Variants in TEX264 observed in about 807,000 individuals in gnomAD.
TEX264 encodes the protein testis expressed 264, ER-phagy receptor, also known as testis-expressed protein 264.
TEX264 carries 13 observed loss-of-function variants against 23.4 expected under a neutral mutation model. The observed-to-expected ratio is 0.56, with a 90% CI of 0.36 to 0.88. The LOEUF (loss-of-function observed/expected upper bound fraction) is 0.88, where lower values mean the gene tolerates loss of function less well. Ranked by LOEUF, TEX264 falls within the 40% of genes least tolerant of loss-of-function variation. The pLI, the probability that TEX264 is intolerant of heterozygous loss-of-function variation, is 0.01. For synonymous variants in TEX264, 159 were observed against 170.0 expected, an observed-to-expected ratio of 0.94 and a Z score of 0.50; for missense variants, 340 against 406.8, an observed-to-expected ratio of 0.84 and a Z score of 1.41.
At chr3:51,690,041 C>T (rs991188314) in intron 3 of TEX264, among the ~76,000 whole-genome samples, 2 of 152,160 alleles carry the variant, frequency 1.3e-5, no homozygotes, top group Non-Finnish European at 2.9e-5. Flanking sequence ...GGAAATGGGT[C>T]AGCCTGTTGA....
intron 4 of TEX264, among the ~76,000 whole-genome samples, chr3:51,702,124 T>C (rs1336532323): frequency 2.6e-5 from 4 of 152,012 alleles, no homozygotes; most frequent in South Asian, 2.1e-4. Context: ...AAGAGAGCCA[T>C]TGGGTGGGTG....
At position 51,703,119 on chromosome 3, in the gene TEX264, C is replaced by T. The variant is rs1559686090; in HGVS notation, c.650-605C>T. ...GTATTTCTCAGGCCTTCTCCATCCT[C>T]CTCGTACTTCAGCTCCCTCCTCAAC... On this transcript the variant is annotated intron_variant, in intron 4 of 4. Coordinates refer to ENST00000341333, the MANE Select transcript of TEX264 (RefSeq NM_015926.6). This position sits in a 1 kb window ranked among gnomAD's most constrained non-coding sequence, Gnocchi z 4.8. Among the ~76,000 whole-genome samples, 1 of 152,220 alleles carries T rather than the reference C, an allele frequency of 6.6e-6. No individual in the cohort carries two copies. Among genetic ancestry groups the T allele is most frequent in the Non-Finnish European group, 1.5e-5 (1 of 68,030 alleles).
At chr3:51,673,562 G>A (rs756084116) in intron 1 of TEX264, among the ~76,000 whole-genome samples, 9 of 152,190 alleles carry the variant, frequency 5.9e-5, no homozygotes, top group Non-Finnish European at 1.0e-4. Flanking sequence ...TGTTAACATT[G>A]GTGGTTCAAG....
chr3:51,690,489 G>A (rs1366233728), intron 3 of TEX264, among the ~76,000 whole-genome samples: 6 of 149,234 alleles, frequency 4.0e-5, no homozygotes, highest in Non-Finnish European at 8.9e-5. Flanking sequence ...CTGAGATCAC[G>A]ACACTGCCCA....
At chr3:51,689,450 A>G (rs1177737760) in intron 3 of TEX264, among the ~76,000 whole-genome samples, 1 of 144,590 alleles carries the variant, frequency 6.9e-6, no homozygotes, top group Non-Finnish European at 1.6e-5. Context: ...AAGTAAAAAC[A>G]TTAAAAAAAA....
At chr3:51,684,111 C>T in intron 2 of TEX264, 1 of 409,006 alleles carries the variant, frequency 2.4e-6, no homozygotes. Flanking sequence ...CCGCCCTTCC[C>T]TCTCCTGGCC....
intron 3 of TEX264, 42 bp downstream of exon 3, chr3:51,684,676 G>A (rs200204760): frequency 1.3e-5 from 20 of 1,596,540 alleles, no homozygotes; most frequent in Non-Finnish European, 1.7e-5. Flanking sequence ...GGACAGCCAG[G>A]CCCCTTGGGT....
At chr3:51,698,329 C>A (rs371598199) in intron 3 of TEX264, among the ~76,000 whole-genome samples, 2 of 152,194 alleles carry the variant, frequency 1.3e-5, no homozygotes, top group African/African-American at 4.8e-5. Flanking sequence ...AAGTGGAAGG[C>A]TCATTTCAGA....
chr3:51,692,290 G>T (rs1263092693), intron 3 of TEX264, among the ~76,000 whole-genome samples: 3 of 152,136 alleles, frequency 2.0e-5, no homozygotes, highest in African/African-American at 7.2e-5. Flanking sequence ...TTGGAATTAG[G>T]GAGGGGAAAG....
chr3:51,699,853 G>C (rs1299910534), intron 4 of TEX264, among the ~76,000 whole-genome samples: 1 of 152,152 alleles, frequency 6.6e-6, no homozygotes, highest in Non-Finnish European at 1.5e-5. Context: ...TGCAGCAGGA[G>C]TACCCTTGGA....
Position 51,699,551 on chromosome 3 carries a change from T to C in TEX264, c.626T>C (p.Ile209Thr). Residue 209 changes from isoleucine to threonine, a missense_variant, in exon 4 of 5, where the codon ATT becomes ACT. By Grantham distance (89) the Ile-to-Thr change is moderately conservative. Coordinates refer to ENST00000341333, the MANE Select transcript of TEX264 (RefSeq NM_015926.6). ...EWKWRGLVEA[I>T]DTQVDGTGAD... Reference sequence around the variant, plus strand: ...AAATGGCGGGGGCTTGTGGAGGCCATTGACACCCAGGTGGATGGCACAGGT... The same window carrying C: ...AAATGGCGGGGGCTTGTGGAGGCCACTGACACCCAGGTGGATGGCACAGGT... 1 of 1,613,936 alleles carries C rather than the reference T, an allele frequency of 6.2e-7. No homozygotes were observed. Among genetic ancestry groups the C allele is most frequent in the South Asian group, 1.1e-5 (1 of 91,082 alleles).
chr3:51,700,962 C>G (rs945342235), intron 4 of TEX264, among the ~76,000 whole-genome samples: 25 of 152,220 alleles, frequency 1.6e-4, no homozygotes, highest in Non-Finnish European at 3.2e-4. Context: ...TGCAGGATGT[C>G]TGACTGCCCA....
At chr3:51,683,661 G>T (rs1283405807) in intron 2 of TEX264, 2 of 152,274 alleles carry the variant, frequency 1.3e-5, no homozygotes, top group South Asian at 2.1e-4. Flanking sequence ...TGCCAGAGGG[G>T]TGGGGAGGAT....
chr3:51,693,873 A>T (rs1345664019), intron 3 of TEX264, among the ~76,000 whole-genome samples: 1 of 152,122 alleles, frequency 6.6e-6, no homozygotes, highest in Non-Finnish European at 1.5e-5. Flanking sequence ...TAGTCCCTCC[A>T]TTGATTCTTT....
intron 2 of TEX264, among the ~76,000 whole-genome samples, chr3:51,676,741 A>G (rs1298074802): frequency 6.6e-6 from 1 of 152,254 alleles, no homozygotes; most frequent in African/African-American, 2.4e-5. Flanking sequence ...TTAGCCCTCA[A>G]CAGATGCTTA....
chr3:51,699,791 C>T (rs1476718086), intron 4 of TEX264, among the ~76,000 whole-genome samples: 2 of 152,132 alleles, frequency 1.3e-5, no homozygotes, highest in African/African-American at 4.8e-5. Flanking sequence ...GATTCACACA[C>T]ATTACCTCCT....
intron 4 of TEX264, among the ~76,000 whole-genome samples, chr3:51,700,835 G>A (rs1414072593): frequency 6.6e-6 from 1 of 151,976 alleles, no homozygotes; most frequent in Non-Finnish European, 1.5e-5. Flanking sequence ...CCCACTCCCT[G>A]GTGTTGGGGC....
At chr3:51,699,219 T>C (rs1703188583) in intron 3 of TEX264, among the ~76,000 whole-genome samples, 187 bp from the exon 4 acceptor site, 1 of 152,144 alleles carries the variant, frequency 6.6e-6, no homozygotes, top group Admixed American at 6.5e-5. Context: ...CTCTGGACTA[T>C]GGGGCCCTGC....
chr3:51,696,149 T>C (rs1327668696), intron 3 of TEX264, among the ~76,000 whole-genome samples: 1 of 152,226 alleles, frequency 6.6e-6, no homozygotes, highest in African/African-American at 2.4e-5. Flanking sequence ...TGCTCTGGGC[T>C]GTGGGTTTGT....
Sources: allele counts gnomAD v4.1 joint callset (sites outside exome capture counted in the v4.1 genomes callset), GRCh38; gene constraint gnomAD v4.1.1; non-coding constraint Gnocchi (gnomAD v3.1); transcripts MANE v1.5; gene names NCBI Gene and HGNC (gene_info 2026-07-23, HGNC 2026-07-21).